SHISA9: variants seen among roughly 807,000 people sequenced by gnomAD.
SHISA9 encodes the protein shisa family member 9.
A neutral mutation model predicts 38.0 loss-of-function variants in SHISA9; 13 were observed. The observed-to-expected ratio is 0.34, with a 90% confidence interval of 0.22 to 0.54. SHISA9 has a LOEUF of 0.54. SHISA9 is among the 20% of genes least tolerant of loss of function. SHISA9 has a pLI of 0.91. For missense variants in SHISA9, 538 were observed against 575.8 expected, an observed-to-expected ratio of 0.93 and a Z score of 0.67; for synonymous variants, 275 against 242.0, an observed-to-expected ratio of 1.14 and a Z score of -1.27.
At chr16:13,361,448 A>G in the SHISA9 span, among the ~76,000 whole-genome samples, 2 of 152,220 alleles carry the variant, frequency 1.3e-5, no homozygotes, top group Non-Finnish European at 2.9e-5. Flanking sequence ...TTCATTGGGT[A>G]TCTGCTGTGT....
At chr16:12,916,618 G>C (rs1324539834) in intron 1 of SHISA9, 70 bp from the exon 2 acceptor site, 4 of 1,503,642 alleles carry the variant, frequency 2.7e-6, no homozygotes, top group Non-Finnish European at 3.6e-6. Flanking sequence ...CGCGACTGCA[G>C]TACTCGGCGC....
chr16:13,307,976 T>C, the SHISA9 span, among the ~76,000 whole-genome samples: 1 of 152,236 alleles, frequency 6.6e-6, no homozygotes, highest in African/African-American at 2.4e-5. Flanking sequence ...TCTCACCGCA[T>C]ATATTCTGAG....
chr16:13,487,212 G>A, the SHISA9 span, among the ~76,000 whole-genome samples: 1 of 152,196 alleles, frequency 6.6e-6, no homozygotes, highest in Non-Finnish European at 1.5e-5. Context: ...TTGCATATGT[G>A]AAATGACATA....
At chr16:13,377,214 C>T in the SHISA9 span, among the ~76,000 whole-genome samples, 1 of 152,114 alleles carries the variant, frequency 6.6e-6, no homozygotes, top group Admixed American at 6.5e-5. Flanking sequence ...CAATAGCAGC[C>T]TTAGGGGCGG....
At chr16:13,267,875 G>GTTT in the SHISA9 span, among the ~76,000 whole-genome samples, 4 of 137,442 alleles carry the variant, frequency 2.9e-5, no homozygotes, top group South Asian at 2.4e-4. Flanking sequence ...TGTTTCTCAG[G>GTTT]TTTTTTTTTT....
At chr16:12,967,477 T>G (rs1323000132) in intron 2 of SHISA9, among the ~76,000 whole-genome samples, 1 of 151,916 alleles carries the variant, frequency 6.6e-6, no homozygotes, top group Non-Finnish European at 1.5e-5. Context: ...AGTTAATGGG[T>G]GCAGCACACC....
intron 2 of SHISA9, among the ~76,000 whole-genome samples, chr16:13,077,060 G>A (rs762374954): frequency 6.6e-6 from 1 of 152,150 alleles, no homozygotes; most frequent in Non-Finnish European, 1.5e-5. Flanking sequence ...GAAAGAGCCA[G>A]GGATACCTCA....
At chr16:13,049,769 C>T (rs1596612037) in intron 2 of SHISA9, among the ~76,000 whole-genome samples, 2 of 152,098 alleles carry the variant, frequency 1.3e-5, no homozygotes, top group East Asian at 3.8e-4. Flanking sequence ...CATCACCCTC[C>T]TGCCTCCACC....
chr16:13,406,333 C>T, the SHISA9 span, among the ~76,000 whole-genome samples: 57 of 152,320 alleles, frequency 3.7e-4, no homozygotes, highest in Middle Eastern at 3.4e-3. Flanking sequence ...GCCAATGTTA[C>T]TCTTAACTTT....
At chr16:12,955,057 CT>C (rs2071810647) in intron 2 of SHISA9, among the ~76,000 whole-genome samples, 1 of 143,676 alleles carries the variant, frequency 7.0e-6, no homozygotes, top group African/African-American at 2.4e-5. Context: ...GTGTGCATTG[CT>C]GTTTTTTTTT....
chr16:13,114,587 A>G (rs908734377), intron 2 of SHISA9, among the ~76,000 whole-genome samples: 2 of 152,126 alleles, frequency 1.3e-5, no homozygotes, highest in East Asian at 3.8e-4. Flanking sequence ...CATGTCTTCA[A>G]ATATTATTGC....
chr16:13,201,584 C>G (rs1168333800), intron 2 of SHISA9, among the ~76,000 whole-genome samples: 1 of 133,814 alleles, frequency 7.5e-6, no homozygotes, highest in Non-Finnish European at 1.6e-5. Context: ...AAAGCAGAGA[C>G]TGATGGCCTA....
chr16:12,983,633 C>T (rs550313487), intron 2 of SHISA9, among the ~76,000 whole-genome samples: 6 of 152,270 alleles, frequency 3.9e-5, no homozygotes, highest in South Asian at 4.1e-4. Context: ...GGACTACAGG[C>T]GCCCGCCACC....
downstream of SHISA9, among the ~76,000 whole-genome samples, chr16:13,241,439 G>A (rs1269582369): frequency 6.6e-6 from 1 of 151,876 alleles, no homozygotes; most frequent in African/African-American, 2.4e-5. Flanking sequence ...TTGGGAGGCG[G>A]AGGTTGCGGT....
intron 2 of SHISA9, among the ~76,000 whole-genome samples, chr16:13,161,606 T>C (rs2050595786): frequency 6.6e-6 from 1 of 152,194 alleles, no homozygotes; most frequent in Non-Finnish European, 1.5e-5. Flanking sequence ...TCCAGACCCA[T>C]GGTCAGGACC....
intron 2 of SHISA9, among the ~76,000 whole-genome samples, chr16:13,196,375 C>T (rs1430955277): frequency 6.9e-4 from 90 of 130,238 alleles, no homozygotes; most frequent in African/African-American, 2.4e-3. Flanking sequence ...CCAGCCTGGG[C>T]GACAGAGCGA....
intron 2 of SHISA9, among the ~76,000 whole-genome samples, chr16:13,107,190 T>C (rs552464300): frequency 6.6e-6 from 1 of 152,048 alleles, no homozygotes; most frequent in Non-Finnish European, 1.5e-5. Context: ...CCCAGCACTT[T>C]GGGAGGCCGA....
chr16:13,075,827 A>T (rs762827572), intron 2 of SHISA9, among the ~76,000 whole-genome samples: 10 of 152,142 alleles, frequency 6.6e-5, no homozygotes, highest in Admixed American at 2.0e-4. Context: ...AGTGTTTCTT[A>T]TCTAGATACT....
At chr16:13,180,003 G>A (rs183457273) in intron 2 of SHISA9, among the ~76,000 whole-genome samples, 1 of 152,274 alleles carries the variant, frequency 6.6e-6, no homozygotes, top group African/African-American at 2.4e-5. Context: ...CAGGTGGGTA[G>A]GAAACTCTCC....
Sources: gnomAD v4.1 joint callset for allele counts (sites outside exome capture counted in the v4.1 genomes callset) on GRCh38, gnomAD v4.1.1 for gene constraint, MANE v1.5 for transcripts, NCBI Gene and HGNC (gene_info 2026-07-23, HGNC 2026-07-21) for gene names.